Variants in CYLD observed in about 807,000 individuals in gnomAD.
The protein encoded by CYLD is ubiquitin carboxyl-terminal hydrolase CYLD.
In CYLD, 26 loss-of-function variants were observed where a neutral mutation model predicts 104.5. The observed-to-expected ratio is 0.25, with a 90% CI of 0.18 to 0.35. The LOEUF (loss-of-function observed/expected upper bound fraction) is 0.35, where lower values mean the gene tolerates loss of function less well. CYLD is among the 10% of genes least tolerant of loss of function. The pLI is 1.00. For missense variants in CYLD, 703 were observed against 1,136.1 expected, an observed-to-expected ratio of 0.62 and a Z score of 5.48; for synonymous variants, 385 against 399.9, an observed-to-expected ratio of 0.96 and a Z score of 0.45.
At chr16:50,780,141 G>A in intron 9 of CYLD, 97 bp downstream of exon 9, 2 of 1,438,332 alleles carry the variant, frequency 1.4e-6, no homozygotes, top group Non-Finnish European at 1.9e-6. Context: ...TGTTATATTT[G>A]TCAGAAAAGC....
chr16:50,758,283 C>G (rs1027515532), intron 5 of CYLD, among the ~76,000 whole-genome samples: 29 of 152,236 alleles, frequency 1.9e-4, no homozygotes, highest in Non-Finnish European at 4.1e-4. Context: ...CCGCAGCCAG[C>G]GTGGCCAGTT....
chr16:50,788,073 A>T (rs1479716609), intron 14 of CYLD, among the ~76,000 whole-genome samples: 4 of 152,216 alleles, frequency 2.6e-5, no homozygotes, highest in Non-Finnish European at 5.9e-5. Flanking sequence ...TTTATACTAC[A>T]ATTTTTAACC....
intron 18 of CYLD, among the ~76,000 whole-genome samples, chr16:50,796,119 A>G (rs1308526855): frequency 6.6e-6 from 1 of 152,170 alleles, no homozygotes; most frequent in Non-Finnish European, 1.5e-5. Flanking sequence ...AGGTTTATTC[A>G]CTGTTGGCCC....
rs1267226130 is a variant in CYLD at position 50,784,458 on chromosome 16, A to G, written c.1949+7A>G. 2 of 1,612,002 alleles carry G rather than the reference A, an allele frequency of 1.2e-6. No homozygotes were observed. Among genetic ancestry groups the G allele is most frequent in the East Asian group, 4.5e-5 (2 of 44,750 alleles). ...TTGTTAATCCTCTGAGAATGTAAGTAGAAAACAAATTGCTATTTTGCCTTT... is the reference window on the plus strand; with the variant it reads ...TTGTTAATCCTCTGAGAATGTAAGTGGAAAACAAATTGCTATTTTGCCTTT... On this transcript the variant is annotated splice_region_variant and intron_variant, in intron 12 of 18. Coordinates refer to ENST00000427738, the MANE Select transcript of CYLD (RefSeq NM_001378743.1).
chr16:50,780,606 C>T (rs1016006814), intron 9 of CYLD, among the ~76,000 whole-genome samples: 2 of 152,182 alleles, frequency 1.3e-5, no homozygotes, highest in African/African-American at 2.4e-5. Context: ...GCAGCCTCGA[C>T]CTCCTGGGCT....
rs983262278 is a variant in CYLD at position 50,800,080 on chromosome 16, G to GC, written c.*3573dup. 2.6e-5 allele frequency: 6 copies of GC among 233,020 alleles called. No homozygotes were observed. The highest frequency in any genetic ancestry group is 1.3e-4 in the African/African-American group (6 of 45,324). 14.4% of individuals were successfully genotyped at this position (233,020 alleles called of 1,614,324 possible). ...GTGGCAGAGTAGGGACGAGAGACCT[G>GC]CATTCTAGCCCTGTTTCTGTCACTT... On this transcript the variant is annotated 3_prime_UTR_variant, in exon 19 of 19. Coordinates refer to ENST00000427738, the MANE Select transcript of CYLD (RefSeq NM_001378743.1).
chr16:50,747,455 G>A (rs1043451064), intron 2 of CYLD, among the ~76,000 whole-genome samples: 12 of 152,142 alleles, frequency 7.9e-5, no homozygotes, highest in African/African-American at 2.7e-4. Context: ...CAAAATAACA[G>A]CCTTGCAGAT....
At chr16:50,757,783 G>A (rs777603642) in intron 5 of CYLD, among the ~76,000 whole-genome samples, 6 of 152,088 alleles carry the variant, frequency 3.9e-5, no homozygotes, top group Non-Finnish European at 7.4e-5. Context: ...TGATCCACCC[G>A]CCTCGGCCTC....
intron 4 of CYLD, 47 bp downstream of exon 4, chr16:50,751,953 T>TATATATATATGTATATATATATATAAAC (rs1966657933): frequency 5.3e-6 from 4 of 748,814 alleles, no homozygotes; most frequent in Non-Finnish European, 7.8e-6. Flanking sequence ...TATATTAGTT[T>TATATATATATGTATATATATATATAAAC]ATATATATAT....
rs1971548994 is a variant in CYLD at position 50,792,713 on chromosome 16, T to C, written c.2350+8T>C. 7.3e-7 allele frequency: 1 copy of C among 1,364,810 alleles called. No individual in the cohort carries two copies. The highest frequency in any genetic ancestry group is 1.0e-6 in the Non-Finnish European group (1 of 963,756). The allele number at this position is 1,364,810 out of a possible 1,614,324, so 84.5% of individuals were successfully genotyped here. ...CAGATTTACTTGAAGACAGTAAGTATGAGATTTTTTTAGTTTGTTTTGTTG... is the reference window on the plus strand; with the variant it reads ...CAGATTTACTTGAAGACAGTAAGTACGAGATTTTTTTAGTTTGTTTTGTTG... On this transcript the variant is annotated splice_region_variant and intron_variant, in intron 16 of 18. Coordinates refer to ENST00000427738, the MANE Select transcript of CYLD (RefSeq NM_001378743.1).
chr16:50,791,929 G>A (rs906952601), intron 15 of CYLD, among the ~76,000 whole-genome samples: 13 of 152,164 alleles, frequency 8.5e-5, no homozygotes, highest in South Asian at 4.1e-4. Flanking sequence ...GCTAATCTGC[G>A]TAACTTGAAA....
At position 50,797,547 on chromosome 16, in the gene CYLD, T is replaced by G. The variant is rs1972151454; in HGVS notation, c.*1039T>G. ...GCAGCAGCTTCATCCTCCTTCTGAT[T>G]AAAGTAAGTAGAAATGGGATGTTTT... On this transcript the variant is annotated 3_prime_UTR_variant, in exon 19 of 19. Transcript: ENST00000427738. 4.3e-6 allele frequency: 1 copy of G among 232,504 alleles called. No individual in the cohort carries two copies. The highest frequency in any genetic ancestry group is 6.1e-5 in the East Asian group (1 of 16,526). 14.4% of individuals were successfully genotyped at this position (232,504 alleles called of 1,614,324 possible).
In CYLD at chr16:50,801,140, C is replaced by T. The variant is rs1292734164; in HGVS notation, c.*4632C>T. On this transcript the variant is annotated 3_prime_UTR_variant, in exon 19 of 19. Transcript: ENST00000427738. ...GTGGGAGGAGGGGAGAAAGACTGTT[C>T]ATCTTATTCTGAATCCTGGAGCAGC... 4.3e-6 allele frequency: 1 copy of T among 233,302 alleles called. No individual in the cohort carries two copies. The highest frequency in any genetic ancestry group is 8.5e-6 in the Non-Finnish European group (1 of 118,082). 14.5% of individuals were successfully genotyped at this position (233,302 alleles called of 1,614,324 possible). A position where few individuals can be genotyped will look rare whatever the true frequency, so the allele number is the denominator to read the frequency against.
chr16:50,755,118 CAT>C (rs1342491655), intron 5 of CYLD, among the ~76,000 whole-genome samples: 12 of 39,268 alleles, frequency 3.1e-4, no homozygotes, highest in Middle Eastern at 0.014. Context: ...CACATATACA[CAT>C]GTGTATATAT....
intron 3 of CYLD, among the ~76,000 whole-genome samples, chr16:50,750,493 A>C (rs905907851): frequency 3.9e-5 from 6 of 152,194 alleles, no homozygotes; most frequent in Non-Finnish European, 8.8e-5. Flanking sequence ...CTTAATATTC[A>C]TTCTTGAGAA....
chr16:50,744,240 T>A (rs1340601495), intron 2 of CYLD, among the ~76,000 whole-genome samples: 1 of 152,152 alleles, frequency 6.6e-6, no homozygotes, highest in East Asian at 1.9e-4. Flanking sequence ...AGGGACTGTG[T>A]ACTTGTGACA....
chr16:50,796,376 A>G lies in CYLD; in HGVS notation c.2739A>G (p.Gly913=), dbSNP rs1972050103. The change falls in exon 19 of 19, where the codon GGA becomes GGG. Residue 913 remains glycine, a synonymous_variant. Coordinates refer to ENST00000427738, the MANE Select transcript of CYLD (RefSeq NM_001378743.1). ...AAGTCACCCCATGCCCAGAAGTAGG[A>G]GAGTACTTGAAGATGTCTCTGGAAG... is the stretch of plus-strand genomic sequence containing the variant. ...IPQVTPCPEV[G]EYLKMSLEDL... is the part of the protein sequence containing the mutation. 1.2e-6 allele frequency: 2 copies of G among 1,614,136 alleles called. No individual in the cohort carries two copies. Among genetic ancestry groups the G allele is most frequent in the African/African-American group, 1.3e-5 (1 of 75,030 alleles).
At chr16:50,792,563 A>G in intron 15 of CYLD, 34 bp from the exon 16 acceptor site, 1 of 1,478,440 alleles carries the variant, frequency 6.8e-7, no homozygotes, top group Non-Finnish European at 9.4e-7. Context: ...TTTTTTTAAC[A>G]CTTTGATTCT....
In CYLD at chr16:50,781,729, T is replaced by C. The variant is rs565374385; in HGVS notation, c.1684+318T>C. On this transcript the variant is annotated intron_variant, in intron 10 of 18. Transcript: ENST00000427738. ...AATTGAAATGTAACCTTCTTTTTTT[T>C]TTTTACTGACTTCCCTCACAGTGTC... 1.3e-4 allele frequency among the ~76,000 whole-genome samples: 20 copies of C among 152,302 alleles called. 1 individual carries two copies. Among genetic ancestry groups the C allele is most frequent in the Non-Finnish European group, 2.5e-4 (17 of 68,016 alleles).
Sources: gnomAD v4.1 joint callset for allele counts (sites outside exome capture counted in the v4.1 genomes callset) on GRCh38, gnomAD v4.1.1 for gene constraint, MANE v1.5 for transcripts, NCBI Gene and HGNC (gene_info 2026-07-23, HGNC 2026-07-21) for gene names.